The following CTNNA2 variants were observed in gnomAD, a reference collection of about 807,000 sequenced individuals.
CTNNA2 encodes catenin alpha 2, also known as catenin alpha-2.
A neutral mutation model predicts 101.0 loss-of-function variants in CTNNA2; 42 were observed. The ratio of observed to expected loss-of-function variants is 0.42; its 90% confidence interval spans 0.32 to 0.54. The LOEUF is 0.54. CTNNA2 is among the 20% of genes least tolerant of loss of function. The pLI, the probability that CTNNA2 is intolerant of heterozygous loss-of-function variation, is 0.14. For synonymous variants in CTNNA2, 450 were observed against 456.4 expected, an observed-to-expected ratio of 0.99 and a Z score of 0.18; for missense variants, 871 against 1,223.1, an observed-to-expected ratio of 0.71 and a Z score of 4.29.
At chr2:79,681,545 A>C (rs1683562789) in intron 2 of CTNNA2, among the ~76,000 whole-genome samples, 1 of 152,250 alleles carries the variant, frequency 6.6e-6, no homozygotes, top group African/African-American at 2.4e-5. Context: ...AGCACAAAGA[A>C]CATGGCTATT....
At chr2:79,788,649 A>C (rs1675033942) in intron 3 of CTNNA2, among the ~76,000 whole-genome samples, 1 of 152,206 alleles carries the variant, frequency 6.6e-6, no homozygotes, top group African/African-American at 2.4e-5. Flanking sequence ...ACATGCATAC[A>C]TGTATACCTA....
rs764740849 is a variant in CTNNA2, at chr2:79,592,287, A to AT, written c.-5-59255dup. Among the ~76,000 whole-genome samples the AT allele has an allele frequency of 3.7e-3, 548 of 149,468 alleles. 1 individual carries two copies. Among genetic ancestry groups the AT allele is most frequent in the Non-Finnish European group, 6.4e-3 (433 of 67,208 alleles). On this transcript the variant is annotated intron_variant, in intron 1 of 18. Coordinates refer to ENST00000402739, the MANE Select transcript of CTNNA2 (RefSeq NM_001282597.3). ...AGGTGCCCAACACCACGCCCAGCTA[A>AT]TTTTTTTTTTAATTTTGTATTTTTA...
intron 1 of CTNNA2, among the ~76,000 whole-genome samples, chr2:79,618,494 A>G (rs977071279): frequency 2.0e-5 from 3 of 152,040 alleles, no homozygotes; most frequent in Admixed American, 2.0e-4. Flanking sequence ...CACTGATGAG[A>G]AAAAAATATA....
At chr2:80,566,202 A>G (rs1343317819) in intron 12 of CTNNA2, among the ~76,000 whole-genome samples, 1 of 152,234 alleles carries the variant, frequency 6.6e-6, no homozygotes. Context: ...AGCAGCTTAC[A>G]ACATGGCAAC....
At chr2:80,460,105 A>G (rs1005723765) in intron 9 of CTNNA2, among the ~76,000 whole-genome samples, 5 of 152,164 alleles carry the variant, frequency 3.3e-5, no homozygotes, top group African/African-American at 7.2e-5. Flanking sequence ...GACTCTATAC[A>G]TAAGTCAGAT....
At chr2:79,363,833 C>T (rs1263128842) in intron 3 of CTNNA2, among the ~76,000 whole-genome samples, 1 of 152,204 alleles carries the variant, frequency 6.6e-6, no homozygotes, top group Non-Finnish European at 1.5e-5. Context: ...GTCCAAGAAG[C>T]AGTCCAGGAC....
chr2:79,323,635 G>A lies in CTNNA2; in HGVS notation c.-318+10839G>A, dbSNP rs1299320418. ...GTTGCCACAAGTTTCAAGGGAGACT[G>A]ACCTCATTCAGAATTCTGTTCAATT... is the stretch of plus-strand genomic sequence containing the variant. On this transcript the variant is annotated intron_variant, in intron 3 of 21. Transcript: ENST00000466387. Among the ~76,000 whole-genome samples the A allele has an allele frequency of 3.3e-5, 5 of 152,246 alleles. No individual in the cohort carries two copies. In the East Asian group the frequency reaches 9.7e-4, roughly 29 times the overall value.
intron 18 of CTNNA2, among the ~76,000 whole-genome samples, chr2:80,629,508 A>T (rs750599975): frequency 1.3e-5 from 2 of 152,158 alleles, no homozygotes; most frequent in Non-Finnish European, 1.5e-5. Context: ...TCGGATACAG[A>T]TGATTCATGG....
intron 7 of CTNNA2, among the ~76,000 whole-genome samples, chr2:79,956,850 T>TTTTC (rs1558673549): frequency 5.8e-5 from 4 of 69,386 alleles, no homozygotes; most frequent in Non-Finnish European, 1.5e-4. Context: ...TGGGTTTTTT[T>TTTTC]TTTTTTTTTT....
At chr2:80,192,382 C>T (rs1706563202) in intron 7 of CTNNA2, among the ~76,000 whole-genome samples, 1 of 152,158 alleles carries the variant, frequency 6.6e-6, no homozygotes, top group South Asian at 2.1e-4. Flanking sequence ...CTCTATTGCC[C>T]AGTGGTCATG....
chr2:80,416,101 A>G (rs1466541436), intron 8 of CTNNA2, among the ~76,000 whole-genome samples: 1 of 152,104 alleles, frequency 6.6e-6, no homozygotes, highest in East Asian at 1.9e-4. Flanking sequence ...ACAAACTTTA[A>G]GTTATACAGT....
intron 7 of CTNNA2, among the ~76,000 whole-genome samples, chr2:80,036,936 G>T (rs1025453844): frequency 2.6e-5 from 4 of 151,942 alleles, no homozygotes; most frequent in Non-Finnish European, 5.9e-5. Flanking sequence ...GGGTTATGAA[G>T]GTGGGAAGAG....
intron 7 of CTNNA2, chr2:80,163,156 G>GA: frequency 6.6e-7 from 1 of 1,509,990 alleles, no homozygotes; most frequent in African/African-American, 1.4e-5. Context: ...CAGCCTGGTG[G>GA]AAAACCTCGA....
chr2:80,167,769 A>T (rs1323548023), intron 7 of CTNNA2, among the ~76,000 whole-genome samples: 1 of 152,118 alleles, frequency 6.6e-6, no homozygotes, highest in Non-Finnish European at 1.5e-5. Context: ...TTTTTTTTCC[A>T]TCATTTCACT....
chr2:79,931,054 T>C (rs1484009730), intron 7 of CTNNA2, among the ~76,000 whole-genome samples: 1 of 152,218 alleles, frequency 6.6e-6, no homozygotes, highest in Non-Finnish European at 1.5e-5. Context: ...TTAGACAATT[T>C]TTAAATTATG....
intron 7 of CTNNA2, among the ~76,000 whole-genome samples, chr2:80,383,831 G>A (rs1276786170): frequency 2.6e-5 from 4 of 151,560 alleles, no homozygotes; most frequent in African/African-American, 9.7e-5. Context: ...ATACCCAAAG[G>A]CATATGAATC....
At chr2:79,789,866 C>G (rs575097854) in intron 3 of CTNNA2, among the ~76,000 whole-genome samples, 2 of 152,208 alleles carry the variant, frequency 1.3e-5, no homozygotes, top group East Asian at 3.9e-4. Context: ...TCCTGGCTAT[C>G]TGGGGAGAGG....
rs573118166 is a variant in CTNNA2, at chr2:80,648,043, T to G, written c.*171T>G. On this transcript the variant is annotated 3_prime_UTR_variant, in exon 19 of 19. Transcript: ENST00000402739. The stretch of plus-strand genomic sequence containing the variant: ...AGATGAGATCAATACTACTGATCCA[T>G]CTGTAGCCTGGGAAGGAGACAGGAC... The G allele has an allele frequency of 5.2e-6, 3 of 579,924 alleles. No homozygotes were observed. In the South Asian group the frequency reaches 7.9e-5, roughly 15 times the overall value. The allele number at this position is 579,924 out of a possible 1,614,324, so 35.9% of individuals were successfully genotyped here. A position where few individuals can be genotyped will look rare whatever the true frequency, so the allele number is the denominator to read the frequency against.
At chr2:79,494,954 T>A (rs956976317) in intron 4 of CTNNA2, among the ~76,000 whole-genome samples, 1 of 151,862 alleles carries the variant, frequency 6.6e-6, no homozygotes, top group African/African-American at 2.4e-5. Context: ...ACAAAAAAAA[T>A]TAGCTGGGCG....
Sources: allele counts gnomAD v4.1 joint callset (sites outside exome capture counted in the v4.1 genomes callset), GRCh38; gene constraint gnomAD v4.1.1; transcripts MANE v1.5; gene names NCBI Gene and HGNC (gene_info 2026-07-23, HGNC 2026-07-21).